The following CTNNA3 variants were observed in gnomAD, a reference collection of about 807,000 sequenced individuals.
The protein encoded by CTNNA3 is catenin alpha 3.
Under a neutral mutation model 95.7 loss-of-function variants are expected in CTNNA3, and 76 were observed. The observed-to-expected ratio is 0.79, with a 90% CI of 0.66 to 0.96. CTNNA3 has a LOEUF of 0.96. Ranked by LOEUF, CTNNA3 falls within the 40% of genes least tolerant of loss-of-function variation. CTNNA3 has a pLI of 0.00. For synonymous variants in CTNNA3, 431 were observed against 374.4 expected (o/e 1.15, Z -1.74); for missense variants, 1,191 against 1,089.8 (o/e 1.09, Z -1.31).
At chr10:66,379,086 G>T in intron 12 of CTNNA3, 66 bp downstream of exon 12, 3 of 1,301,498 alleles carry the variant, frequency 2.3e-6, no homozygotes, top group Non-Finnish European at 2.2e-6. Context: ...CCACATGTAT[G>T]AATATTCGTA....
chr10:66,103,842 TGA>T lies in CTNNA3; in HGVS notation c.1885-595_1885-594del, dbSNP rs923872209. On this transcript the variant is annotated intron_variant, in intron 13 of 17. Coordinates refer to ENST00000433211, the MANE Select transcript of CTNNA3 (RefSeq NM_013266.4). ...CCCTTCTGAATATACTAAAAAACACTGAGTTTCATACTTCAAAATGGTGAGTT... is the reference window on the plus strand; with the variant it reads ...CCCTTCTGAATATACTAAAAAACACTGTTTCATACTTCAAAATGGTGAGTT... Among the ~76,000 whole-genome samples, 23 of 152,270 alleles carry T rather than the reference TGA, an allele frequency of 1.5e-4. 1 individual carries two copies. The highest frequency in any genetic ancestry group is 5.5e-4 in the African/African-American group (23 of 41,548).
At chr10:66,304,571 T>C (rs1381444455) in intron 12 of CTNNA3, among the ~76,000 whole-genome samples, 1 of 152,096 alleles carries the variant, frequency 6.6e-6, no homozygotes, top group Non-Finnish European at 1.5e-5. Context: ...TTCGATACAT[T>C]TATATAATGG....
chr10:66,645,566 C>A, intron 9 of CTNNA3, among the ~76,000 whole-genome samples: 1 of 152,068 alleles, frequency 6.6e-6, no homozygotes, highest in East Asian at 1.9e-4. Context: ...TTCCAGGGCT[C>A]CCCAACCCCT....
At chr10:66,327,835 A>T (rs553634909) in intron 12 of CTNNA3, among the ~76,000 whole-genome samples, 1 of 152,208 alleles carries the variant, frequency 6.6e-6, no homozygotes, top group African/African-American at 2.4e-5. Context: ...ATTTATAAAC[A>T]CTATGTATTT....
At chr10:66,198,350 C>A (rs2087099246) in intron 13 of CTNNA3, among the ~76,000 whole-genome samples, 1 of 152,014 alleles carries the variant, frequency 6.6e-6, no homozygotes, top group Non-Finnish European at 1.5e-5. Context: ...GAAGGACAAC[C>A]CTTAGTTTTG....
intron 10 of CTNNA3, among the ~76,000 whole-genome samples, chr10:66,618,331 C>T (rs1844604460): frequency 6.6e-6 from 1 of 151,940 alleles, no homozygotes; most frequent in Non-Finnish European, 1.5e-5. Flanking sequence ...CTACAGTAAC[C>T]AAAACAGCAA....
chr10:67,233,396 T>C (rs1395561430), intron 5 of CTNNA3, among the ~76,000 whole-genome samples: 3 of 150,506 alleles, frequency 2.0e-5, no homozygotes, highest in African/African-American at 4.9e-5. Flanking sequence ...CTGAACAACC[T>C]GCTCCTGAAT....
intron 7 of CTNNA3, among the ~76,000 whole-genome samples, chr10:66,985,578 C>T (rs537458073): frequency 9.2e-5 from 14 of 152,158 alleles, no homozygotes; most frequent in South Asian, 2.1e-4. Context: ...GGCAGACCAA[C>T]GACAGAGTCC....
At position 66,904,491 on chromosome 10, in the gene CTNNA3, G is replaced by A. The variant is rs577735746; in HGVS notation, c.1048-128967C>T. On this transcript the variant is annotated intron_variant, in intron 7 of 17. Transcript: ENST00000433211. ...TCATGACTAAAACACCAAAAACAAT[G>A]GCAACAAAAGCCAAAATAGACAAAT... Among the ~76,000 whole-genome samples the A allele has an allele frequency of 2.6e-5, 4 of 152,118 alleles. No individual in the cohort carries two copies. In the South Asian group the frequency reaches 6.2e-4, roughly 24 times the overall value.
At chr10:66,768,744 C>T (rs1266478075) in intron 8 of CTNNA3, among the ~76,000 whole-genome samples, 1 of 150,332 alleles carries the variant, frequency 6.7e-6, no homozygotes, top group Non-Finnish European at 1.5e-5. Flanking sequence ...TACAATAATA[C>T]ATTAAACATT....
intron 17 of CTNNA3, among the ~76,000 whole-genome samples, chr10:65,940,840 C>T (rs2077418845): frequency 6.6e-6 from 1 of 152,136 alleles, no homozygotes; most frequent in Non-Finnish European, 1.5e-5. Context: ...GCTTTCTCAG[C>T]CTGTTCATTG....
chr10:67,051,562 C>T (rs1242228202), intron 7 of CTNNA3, among the ~76,000 whole-genome samples: 4 of 148,768 alleles, frequency 2.7e-5, no homozygotes, highest in Non-Finnish European at 1.5e-5. Context: ...CAGGTTCAAG[C>T]GATTCTCCTG....
At chr10:66,091,179 G>C (rs1301440271) in intron 14 of CTNNA3, among the ~76,000 whole-genome samples, 1 of 151,886 alleles carries the variant, frequency 6.6e-6, no homozygotes, top group African/African-American at 2.4e-5. Context: ...AAAAAGCAGA[G>C]ACATACTTGC....
chr10:67,019,858 G>T (rs929280405), intron 7 of CTNNA3, among the ~76,000 whole-genome samples: 1 of 151,972 alleles, frequency 6.6e-6, no homozygotes, highest in Non-Finnish European at 1.5e-5. Flanking sequence ...TTCCTCTTCC[G>T]TTCTTGCCTA....
At chr10:66,482,727 C>A (rs144481851) in intron 11 of CTNNA3, among the ~76,000 whole-genome samples, 184 of 152,086 alleles carry the variant, frequency 1.2e-3, no homozygotes, top group African/African-American at 3.9e-3. Flanking sequence ...ATGTACAGGC[C>A]TAGTTTGTTT....
intron 1 of CTNNA3, among the ~76,000 whole-genome samples, chr10:67,714,481 A>C (rs1337318893): frequency 6.6e-6 from 1 of 152,170 alleles, no homozygotes; most frequent in Non-Finnish European, 1.5e-5. Flanking sequence ...GAATGGCTAT[A>C]TTTACCCAAT....
At chr10:66,698,333 C>A (rs1847834825) in intron 9 of CTNNA3, among the ~76,000 whole-genome samples, 1 of 152,176 alleles carries the variant, frequency 6.6e-6, no homozygotes, top group African/African-American at 2.4e-5. Context: ...CATGGACATT[C>A]CACTTCTGAT....
chr10:66,963,567 C>T lies in CTNNA3; in HGVS notation c.1048-188043G>A, dbSNP rs113728978. ...GACTGTGATCAGATGAACTGATCAC[C>T]TGCAGTGGTAGTTTGGGTAGAGAGG... On this transcript the variant is annotated intron_variant, in intron 7 of 17. Transcript: ENST00000433211. Among the ~76,000 whole-genome samples, 1,452 of 152,158 alleles carry T rather than the reference C, an allele frequency of 9.5e-3. 14 individuals carry two copies. Among genetic ancestry groups the T allele is most frequent in the Middle Eastern group, 0.024 (7 of 294 alleles).
At chr10:66,016,943 T>G (rs1375316484) in intron 15 of CTNNA3, among the ~76,000 whole-genome samples, 2 of 152,156 alleles carry the variant, frequency 1.3e-5, no homozygotes, top group Non-Finnish European at 2.9e-5. Context: ...CAGAATAATC[T>G]CACTTATCAG....
Sources: allele counts gnomAD v4.1 joint callset (sites outside exome capture counted in the v4.1 genomes callset), GRCh38; gene constraint gnomAD v4.1.1; transcripts MANE v1.5; gene names NCBI Gene and HGNC (gene_info 2026-07-23, HGNC 2026-07-21).